The following FRY variants were observed in gnomAD, a reference collection of about 807,000 sequenced individuals.
FRY encodes the protein protein furry homolog.
A neutral mutation model predicts 348.4 loss-of-function variants in FRY; 128 were observed. That is an observed-to-expected ratio of 0.37 (90% confidence interval 0.32 to 0.43). The LOEUF is 0.43. Ranked by LOEUF, FRY falls within the 20% of genes least tolerant of loss-of-function variation. The pLI is 1.00. For synonymous variants in FRY, 1,370 were observed against 1,374.7 expected (o/e 1.00, Z 0.08); for missense variants, 2,736 against 3,695.2 (o/e 0.74, Z 6.73).
rs76310894 is a variant in FRY, at chr13:32,275,068, C to T, written c.8286+77C>T. The T allele has an allele frequency of 1.5e-3, 2,040 of 1,336,338 alleles. 31 individuals are homozygous for T. In the Admixed American group the frequency reaches 0.02, roughly 13 times the overall value. The allele number at this position is 1,336,338 out of a possible 1,614,324, so 82.8% of individuals were successfully genotyped here. A position where few individuals can be genotyped will look rare whatever the true frequency, so the allele number is the denominator to read the frequency against. ...GCAGAACTTCAGGGTAGCATGTTTG[C>T]GCTGTGGTTTGTTTTAAAGATACCT... On this transcript the variant is annotated intron_variant, in intron 56 of 60. Coordinates refer to ENST00000542859, the MANE Select transcript of FRY (RefSeq NM_023037.3).
intron 35 of FRY, among the ~76,000 whole-genome samples, chr13:32,212,837 T>C (rs1884760804): frequency 6.6e-6 from 1 of 152,194 alleles, no homozygotes; most frequent in East Asian, 1.9e-4. Context: ...AACACTATCT[T>C]TTCCTGCTAA....
At position 32,289,569 on chromosome 13, in the gene FRY, C is replaced by T. The variant is rs557180131; in HGVS notation, c.8470-64C>T. 8.1e-6 allele frequency: 8 copies of T among 982,752 alleles called. No individual in the cohort carries two copies. The African/African-American group carries it at 1.1e-4, about 14-fold the overall frequency. The allele number at this position is 982,752 out of a possible 1,614,324, so 60.9% of individuals were successfully genotyped here. On this transcript the variant is annotated intron_variant, in intron 58 of 60. Coordinates refer to ENST00000542859, the MANE Select transcript of FRY (RefSeq NM_023037.3). Reference sequence around the variant, plus strand: ...AAAAAGTTTGTCTCCATTGAGATTTCACTAGTTATATGTGAATGATCTTTA... The same window carrying T: ...AAAAAGTTTGTCTCCATTGAGATTTTACTAGTTATATGTGAATGATCTTTA...
intron 35 of FRY, among the ~76,000 whole-genome samples, chr13:32,215,592 C>T (rs1158631327): frequency 2.0e-5 from 3 of 152,108 alleles, no homozygotes; most frequent in African/African-American, 7.2e-5. Flanking sequence ...TTTTGTTTTT[C>T]AGACAGGGTC....
intron 27 of FRY, among the ~76,000 whole-genome samples, chr13:32,187,030 C>T (rs1316817450): frequency 6.6e-6 from 1 of 152,154 alleles, no homozygotes; most frequent in South Asian, 2.1e-4. Flanking sequence ...TCCCTCCACC[C>T]ACCCCTTTAG....
chr13:32,261,487 C>A, intron 51 of FRY, 129 bp from the exon 52 acceptor site: 1 of 860,444 alleles, frequency 1.2e-6, no homozygotes, highest in South Asian at 1.3e-5. Flanking sequence ...AGTTTTGATA[C>A]CAAAGTCGAT....
Position 32,117,440 on chromosome 13 carries a change from A to G in FRY, c.431A>G (p.Glu144Gly). 1 of 1,613,838 alleles carries G rather than the reference A, an allele frequency of 6.2e-7. No individual in the cohort carries two copies. The highest frequency in any genetic ancestry group is 1.1e-5 in the South Asian group (1 of 91,072). Residue 144 changes from glutamate to glycine, a missense_variant, in exon 4 of 61, where the codon GAA becomes GGA. By Grantham distance (98) the Glu-to-Gly change is moderately conservative. Transcript: ENST00000542859. ...AATGGCATTGAGGATGAATCACATG[A>G]ATACAGACCAAGAACAAGCAATAAA... Reference protein sequence around the residue: ...RQNGIEDESHEYRPRTSNKSK... With the variant: ...RQNGIEDESHGYRPRTSNKSK...
At chr13:32,127,396 G>T (rs1199457453) in intron 7 of FRY, among the ~76,000 whole-genome samples, 1 of 151,996 alleles carries the variant, frequency 6.6e-6, no homozygotes, top group Non-Finnish European at 1.5e-5. Flanking sequence ...TTTTCTTAAA[G>T]TCACTTTAAG....
At position 32,221,804 on chromosome 13, in the gene FRY, C is replaced by T. The variant is rs141853977; in HGVS notation, c.4766-2431C>T. 2.9e-3 allele frequency among the ~76,000 whole-genome samples: 448 copies of T among 152,326 alleles called. 2 individuals carry two copies. Among genetic ancestry groups the T allele is most frequent in the African/African-American group, 0.01 (435 of 41,570 alleles). ...CTGGGATTACAGGCATGAGCCACTG[C>T]GCCTGGCCTGTACTTACTTTAAAGA... On this transcript the variant is annotated intron_variant, in intron 36 of 60. Transcript: ENST00000542859.
At position 32,184,710 on chromosome 13, in the gene FRY, C is replaced by G; in HGVS notation, c.3146+19C>G. 7.4e-7 allele frequency: 1 copy of G among 1,353,362 alleles called. No homozygotes were observed. Among genetic ancestry groups the G allele is most frequent in the South Asian group, 1.2e-5 (1 of 85,534 alleles). The allele number at this position is 1,353,362 out of a possible 1,614,324, so 83.8% of individuals were successfully genotyped here. ...GTGACAGGTAGGATCAGAATTCTAC[C>G]GAGTTGCTCTCTTCTCACCAGACTG... On this transcript the variant is annotated intron_variant, in intron 25 of 60. Transcript: ENST00000542859.
chr13:32,223,379 G>A (rs1001210787), intron 36 of FRY, among the ~76,000 whole-genome samples: 16 of 152,104 alleles, frequency 1.1e-4, no homozygotes, highest in Admixed American at 3.3e-4. Context: ...GCTTTATAAT[G>A]AATAATTATA....
At chr13:32,190,701 A>G (rs1426191599) in intron 28 of FRY, among the ~76,000 whole-genome samples, 1 of 152,164 alleles carries the variant, frequency 6.6e-6, no homozygotes, top group Non-Finnish European at 1.5e-5. Flanking sequence ...ATGGAAGAAT[A>G]TACCATGCTA....
chr13:32,297,230 T>G lies in FRY; in HGVS notation c.*1770T>G, dbSNP rs1338548138. The G allele has an allele frequency of 6.6e-6, 1 of 152,232 alleles. No homozygotes were observed. Among genetic ancestry groups the G allele is most frequent in the Non-Finnish European group, 1.5e-5 (1 of 68,044 alleles). The allele number at this position is 152,232 out of a possible 1,614,324, so 9.4% of individuals were successfully genotyped here. Reference sequence around the variant, plus strand: ...GATGCAACTACTAGATTTTAATAATTTTCTGGACTGCTGAAAACATATTTT... The same window carrying G: ...GATGCAACTACTAGATTTTAATAATGTTCTGGACTGCTGAAAACATATTTT... On this transcript the variant is annotated 3_prime_UTR_variant, in exon 61 of 61. Coordinates refer to ENST00000542859, the MANE Select transcript of FRY (RefSeq NM_023037.3).
At chr13:32,031,952 T>C (rs966233935) in intron 1 of FRY, 87 bp downstream of exon 1, 5 of 761,154 alleles carry the variant, frequency 6.6e-6, no homozygotes, top group South Asian at 2.9e-5. Context: ...TGGACACATA[T>C]GTTTGTGAGC....
intron 39 of FRY, among the ~76,000 whole-genome samples, chr13:32,226,544 C>T (rs552797968): frequency 5.7e-4 from 87 of 152,308 alleles, no homozygotes; most frequent in Non-Finnish European, 1.0e-3. Flanking sequence ...TGCCATGTCA[C>T]GCCATTCATG....
In FRY at chr13:32,274,795, A is replaced by G. The variant is rs1014376991; in HGVS notation, c.8137-47A>G. The stretch of plus-strand genomic sequence containing the variant: ...TCCCCCAAAATATGTTTTATCATAT[A>G]TAAGTTTAACTTGACCTTTACAAAT... On this transcript the variant is annotated intron_variant, in intron 55 of 60. Coordinates refer to ENST00000542859, the MANE Select transcript of FRY (RefSeq NM_023037.3). The G allele has an allele frequency of 1.8e-5, 26 of 1,482,452 alleles. No homozygotes were observed. The East Asian group carries it at 2.3e-4, about 13-fold the overall frequency. The allele number at this position is 1,482,452 out of a possible 1,614,324, so 91.8% of individuals were successfully genotyped here.
intron 3 of FRY, among the ~76,000 whole-genome samples, chr13:32,110,348 T>A (rs1196505556): frequency 6.6e-6 from 1 of 152,148 alleles, no homozygotes; most frequent in East Asian, 1.9e-4. Flanking sequence ...TACAGACATC[T>A]TTTTACAATA....
chr13:32,151,893 G>A (rs1880816151), intron 14 of FRY, among the ~76,000 whole-genome samples: 1 of 152,164 alleles, frequency 6.6e-6, no homozygotes, highest in Admixed American at 6.5e-5. Context: ...ATTTATGTAT[G>A]AAGAACCTAA....
At chr13:32,242,320 G>A (rs1886552614) in intron 46 of FRY, among the ~76,000 whole-genome samples, 1 of 152,026 alleles carries the variant, frequency 6.6e-6, no homozygotes, top group Non-Finnish European at 1.5e-5. Flanking sequence ...TCGAGAAGTT[G>A]GTCTTCATAA....
chr13:32,075,567 A>G (rs1215277888), intron 1 of FRY, among the ~76,000 whole-genome samples: 1 of 152,202 alleles, frequency 6.6e-6, no homozygotes, highest in African/African-American at 2.4e-5. Context: ...TCTAATGATA[A>G]TGCTCTAATA....
Sources: gnomAD v4.1 joint callset for allele counts (sites outside exome capture counted in the v4.1 genomes callset) on GRCh38, gnomAD v4.1.1 for gene constraint, MANE v1.5 for transcripts, NCBI Gene and HGNC (gene_info 2026-07-23, HGNC 2026-07-21) for gene names.